The following ATP10A variants were observed in gnomAD, a reference collection of about 807,000 sequenced individuals.
ATP10A encodes the protein phospholipid-transporting ATPase VA.
ATP10A carries 111 observed loss-of-function variants against 147.8 expected under a neutral mutation model. The ratio of observed to expected loss-of-function variants is 0.75; its 90% CI spans 0.64 to 0.88. The LOEUF is 0.88. Ranked by LOEUF, ATP10A falls within the 40% of genes least tolerant of loss-of-function variation. The pLI is 0.00. For synonymous variants in ATP10A, 875 were observed against 841.6 expected, an observed-to-expected ratio of 1.04 and a Z score of -0.69; for missense variants, 1,927 against 1,959.0, an observed-to-expected ratio of 0.98 and a Z score of 0.31.
At chr15:25,767,866 A>C (rs1384015605) in intron 2 of ATP10A, among the ~76,000 whole-genome samples, 2 of 152,234 alleles carry the variant, frequency 1.3e-5, no homozygotes, top group Admixed American at 6.5e-5. Context: ...TGCTCACTGG[A>C]GTATGGGACC....
chr15:25,726,223 T>A, intron 4 of ATP10A, 141 bp from the exon 5 acceptor site: 1 of 828,628 alleles, frequency 1.2e-6, no homozygotes, highest in Non-Finnish European at 1.8e-6. Context: ...GGGTTTAAAA[T>A]TAATCTTACT....
chr15:25,832,090 G>A (rs1483449775), intron 1 of ATP10A, among the ~76,000 whole-genome samples: 2 of 152,168 alleles, frequency 1.3e-5, no homozygotes, highest in Non-Finnish European at 2.9e-5. Context: ...AGAGAAGACA[G>A]CCATGTGAAG....
intron 1 of ATP10A, among the ~76,000 whole-genome samples, chr15:25,850,599 C>T (rs1039123724): frequency 1.3e-5 from 2 of 151,410 alleles, no homozygotes; most frequent in African/African-American, 4.9e-5. Context: ...GTAGAGCGTC[C>T]GGCGGCAGCG....
At chr15:25,832,297 G>C (rs1892393174) in intron 1 of ATP10A, among the ~76,000 whole-genome samples, 1 of 152,190 alleles carries the variant, frequency 6.6e-6, no homozygotes. Flanking sequence ...TAAGCCACCT[G>C]GTGTATGGTA....
At chr15:25,756,804 T>C (rs1888439906) in intron 2 of ATP10A, among the ~76,000 whole-genome samples, 1 of 152,220 alleles carries the variant, frequency 6.6e-6, no homozygotes, top group Admixed American at 6.5e-5. Flanking sequence ...ATGAAAACAG[T>C]TGGGTCTTCT....
intron 3 of ATP10A, among the ~76,000 whole-genome samples, chr15:25,727,541 A>T (rs1902655072): frequency 2.0e-5 from 3 of 151,800 alleles, no homozygotes. Context: ...ACTTGTTTTC[A>T]CTCCGGGACT....
chr15:25,740,372 T>C (rs574442858), intron 2 of ATP10A, among the ~76,000 whole-genome samples: 2 of 152,358 alleles, frequency 1.3e-5, no homozygotes, highest in South Asian at 4.1e-4. Flanking sequence ...GGACCCTGCC[T>C]AACGCTCCAG....
intron 16 of ATP10A, among the ~76,000 whole-genome samples, chr15:25,684,193 G>A (rs933142327): frequency 2.0e-5 from 3 of 152,172 alleles, no homozygotes; most frequent in African/African-American, 7.2e-5. Context: ...GCCACCTCTG[G>A]CCCCTGCTCA....
chr15:25,829,710 G>A lies in ATP10A; in HGVS notation c.449+32938C>T, dbSNP rs140426022. ...ACTAGGCAGGAGCCAGGAGAGAGCT[G>A]GGGGAAGGGGCAGCAGCCCAGGGCT... On this transcript the variant is annotated intron_variant, in intron 1 of 20. Coordinates refer to ENST00000555815, the MANE Select transcript of ATP10A (RefSeq NM_024490.4). Among the ~76,000 whole-genome samples, 1,498 of 152,214 alleles carry A rather than the reference G, an allele frequency of 9.8e-3. 39 individuals carry two copies. Among genetic ancestry groups the A allele is most frequent in the Admixed American group, 0.054 (820 of 15,292 alleles).
chr15:25,822,468 G>C (rs897686759), intron 1 of ATP10A, among the ~76,000 whole-genome samples: 1 of 152,174 alleles, frequency 6.6e-6, no homozygotes, highest in Admixed American at 6.5e-5. Flanking sequence ...CTAATGATCA[G>C]AGTGGCAGGC....
chr15:25,734,431 A>G (rs2140480445), intron 3 of ATP10A, among the ~76,000 whole-genome samples: 1 of 152,152 alleles, frequency 6.6e-6, no homozygotes, highest in Non-Finnish European at 1.5e-5. Context: ...CCCTCGCCCC[A>G]CCCTTCACAA....
At chr15:25,782,541 G>A (rs1236957403) in intron 1 of ATP10A, among the ~76,000 whole-genome samples, 1 of 152,126 alleles carries the variant, frequency 6.6e-6, no homozygotes, top group Non-Finnish European at 1.5e-5. Flanking sequence ...GGGACTTAAA[G>A]TGCAGCAGGT....
At chr15:25,720,236 T>G (rs146893405) in intron 7 of ATP10A, among the ~76,000 whole-genome samples, 17 of 152,338 alleles carry the variant, frequency 1.1e-4, no homozygotes, top group African/African-American at 3.8e-4. Context: ...TGTTCTGATG[T>G]ATGTGTACAA....
chr15:25,855,836 G>A (rs1210150552), intron 1 of ATP10A, among the ~76,000 whole-genome samples: 1 of 152,162 alleles, frequency 6.6e-6, no homozygotes, highest in Non-Finnish European at 1.5e-5. Flanking sequence ...TATAATAAGT[G>A]AGTCAGCCAG....
chr15:25,679,855 C>T lies in ATP10A; in HGVS notation c.3986G>A (p.Arg1329His), dbSNP rs147816025. The T allele has an allele frequency of 4.0e-5, 64 of 1,610,136 alleles. No homozygotes were observed. Among genetic ancestry groups the T allele is most frequent in the South Asian group, 2.9e-4 (26 of 91,086 alleles). ...CTCGGTTCCCGAGTCCTTCGGGAGG[C>T]GTCCCTGAGCAAAGGTCTCTTTGGG... Reference protein sequence around the residue: ...SAPKETFAQGRLPKDSGTEHS... With the variant: ...SAPKETFAQGHLPKDSGTEHS... Residue 1329 changes from arginine (R) to histidine (H), a missense_variant, in exon 21 of 21, where the codon CGC becomes CAC. Transcript: ENST00000555815.
chr15:25,718,431 TG>T (rs1196959609), intron 7 of ATP10A, 32 bp from the exon 8 acceptor site: 1 of 1,558,702 alleles, frequency 6.4e-7, no homozygotes, highest in Non-Finnish European at 8.6e-7. Context: ...TGAGGCATCA[TG>T]GGGGAAGGCT....
At chr15:25,705,871 C>T (rs1327517870) in intron 12 of ATP10A, among the ~76,000 whole-genome samples, 1 of 152,212 alleles carries the variant, frequency 6.6e-6, no homozygotes, top group Non-Finnish European at 1.5e-5. Context: ...GAGGCGTGAG[C>T]AGGCTCCAGT....
intron 12 of ATP10A, among the ~76,000 whole-genome samples, chr15:25,702,949 G>A (rs868176756): frequency 1.3e-5 from 2 of 152,054 alleles, no homozygotes; most frequent in Admixed American, 1.3e-4. Context: ...ATCCATAGGA[G>A]GGAGCACTAA....
At chr15:25,804,301 T>G (rs551965247) in intron 1 of ATP10A, among the ~76,000 whole-genome samples, 19 of 147,954 alleles carry the variant, frequency 1.3e-4, no homozygotes, top group African/African-American at 3.5e-4. Flanking sequence ...GTGTGAGTGT[T>G]CGTGTGTGTC....
Sources: gnomAD v4.1 joint callset for allele counts (sites outside exome capture counted in the v4.1 genomes callset) on GRCh38, gnomAD v4.1.1 for gene constraint, MANE v1.5 for transcripts, NCBI Gene and HGNC (gene_info 2026-07-23, HGNC 2026-07-21) for gene names.